Variants in MBD5 observed in about 807,000 individuals in gnomAD.
MBD5 encodes the protein methyl-CpG binding domain protein 5.
MBD5 carries 13 observed loss-of-function variants against 117.3 expected under a neutral mutation model. The observed-to-expected ratio is 0.11, with a 90% confidence interval of 0.07 to 0.18. The LOEUF (loss-of-function observed/expected upper bound fraction) is 0.18, where lower values mean the gene tolerates loss of function less well. Ranked by LOEUF, MBD5 falls within the 10% of genes least tolerant of loss-of-function variation. The pLI, the probability that MBD5 is intolerant of heterozygous loss-of-function variation, is 1.00. For synonymous variants in MBD5, 727 were observed against 766.4 expected, an observed-to-expected ratio of 0.95 and a Z score of 0.85; for missense variants, 1,879 against 2,093.8, an observed-to-expected ratio of 0.90 and a Z score of 2.00.
At chr2:148,123,700 T>C (rs1696822107) in intron 1 of MBD5, among the ~76,000 whole-genome samples, 1 of 152,202 alleles carries the variant, frequency 6.6e-6, no homozygotes, top group African/African-American at 2.4e-5. Flanking sequence ...AGATTCTGAA[T>C]AGTTATGAGT....
chr2:148,119,530 T>C (rs1032546751), intron 1 of MBD5, among the ~76,000 whole-genome samples: 52 of 152,308 alleles, frequency 3.4e-4, no homozygotes, highest in African/African-American at 1.1e-3. Flanking sequence ...TATTATTTTT[T>C]TCTTCTTTTA....
intron 1 of MBD5, among the ~76,000 whole-genome samples, chr2:148,090,906 GAT>G: frequency 6.6e-6 from 1 of 152,140 alleles, no homozygotes; most frequent in Non-Finnish European, 1.5e-5. Context: ...GTTTGCTGAT[GAT>G]ATGATTATAT....
rs574184954 is a variant in MBD5, at chr2:148,144,014, T to G, written c.-924-34686T>G. Among the ~76,000 whole-genome samples the G allele has an allele frequency of 2.6e-5, 4 of 152,338 alleles. No homozygotes were observed. In the East Asian group the frequency reaches 7.7e-4, roughly 29 times the overall value. ...AATGGTATTTCTAGTTCTAGATCCT[T>G]GAGGAATCGCTACACTGTCTTCCAC... On this transcript the variant is annotated intron_variant, in intron 1 of 13. Transcript: ENST00000642680.
intron 4 of MBD5, among the ~76,000 whole-genome samples, chr2:148,452,930 T>C (rs538849950): frequency 1.6e-4 from 25 of 152,202 alleles, no homozygotes; most frequent in Non-Finnish European, 3.1e-4. Context: ...ATTTTAGACA[T>C]GTGTTGCTAA....
chr2:148,098,661 C>T (rs1263185819), intron 1 of MBD5, among the ~76,000 whole-genome samples: 1 of 152,124 alleles, frequency 6.6e-6, no homozygotes, highest in Non-Finnish European at 1.5e-5. Flanking sequence ...ATCAGTTGGT[C>T]TCAGGTGTGT....
chr2:148,298,526 A>G (rs950853570), intron 3 of MBD5, among the ~76,000 whole-genome samples: 22 of 152,136 alleles, frequency 1.4e-4, no homozygotes, highest in African/African-American at 5.1e-4. Context: ...ATTTTCAGAG[A>G]TTTTAAATGA....
In MBD5 at chr2:148,364,312, C is replaced by T. The variant is rs1430439709; in HGVS notation, c.-557+21976C>T. On this transcript the variant is annotated intron_variant, in intron 4 of 13. Transcript: ENST00000642680. ...CAAATGCTGAGAGATTTTGTCACCA[C>T]CAGGCCTACCTTACAAGAGCTCCTG... 1.3e-5 allele frequency among the ~76,000 whole-genome samples: 2 copies of T among 152,160 alleles called. 1 individual carries two copies. Among genetic ancestry groups the T allele is most frequent in the Middle Eastern group, 6.3e-3 (2 of 316 alleles).
At chr2:148,066,652 T>C (rs1417812143) in intron 1 of MBD5, among the ~76,000 whole-genome samples, 2 of 152,034 alleles carry the variant, frequency 1.3e-5, no homozygotes, top group Admixed American at 6.6e-5. Context: ...TAATTTTTTG[T>C]ATTTTAACAG....
chr2:148,473,218 T>C (rs1680851912), intron 8 of MBD5, among the ~76,000 whole-genome samples: 1 of 152,176 alleles, frequency 6.6e-6, no homozygotes, highest in Non-Finnish European at 1.5e-5. Flanking sequence ...TTTACGTCAG[T>C]GCAGAAGAAG....
In MBD5 at chr2:148,125,783, A is replaced by G. The variant is rs139261982; in HGVS notation, c.-924-52917A>G. Among the ~76,000 whole-genome samples the G allele has an allele frequency of 2.0e-5, 3 of 152,340 alleles. No individual in the cohort carries two copies. The East Asian group carries it at 5.8e-4, about 29-fold the overall frequency. ...CCTTGATGTCTGGGACTGTGTAGCT[A>G]ACACAAGGGCTATGGCTGCCACTTA... is the stretch of plus-strand genomic sequence containing the variant. On this transcript the variant is annotated intron_variant, in intron 1 of 13. Coordinates refer to ENST00000642680, the MANE Select transcript of MBD5 (RefSeq NM_001378120.1).
chr2:148,492,675 A>G (rs1681566311), intron 11 of MBD5, among the ~76,000 whole-genome samples: 1 of 152,036 alleles, frequency 6.6e-6, no homozygotes, highest in Non-Finnish European at 1.5e-5. Flanking sequence ...CCTCTATACA[A>G]CACAAAACAA....
chr2:148,366,549 A>G (rs1005369089), intron 4 of MBD5, among the ~76,000 whole-genome samples: 2 of 152,210 alleles, frequency 1.3e-5, no homozygotes, highest in Non-Finnish European at 1.5e-5. Context: ...CCCTGTTTGC[A>G]GATGCCATGA....
In MBD5 at chr2:148,469,553, G is replaced by A. The variant is rs1484798550; in HGVS notation, c.1610G>A (p.Ser537Asn). The A allele has an allele frequency of 3.1e-6, 5 of 1,613,708 alleles. No homozygotes were observed. Among genetic ancestry groups the A allele is most frequent in the Non-Finnish European group, 8.5e-7 (1 of 1,179,926 alleles). ...AGISNVLNTPSSAAFPTASAG... is the reference protein window; with the variant it reads ...AGISNVLNTPNSAAFPTASAG... ...ATAAGTAATGTACTAAATACCCCAAGCAGTGCAGCTTTTCCTACTGCATCT... is the reference window on the plus strand; with the variant it reads ...ATAAGTAATGTACTAAATACCCCAAACAGTGCAGCTTTTCCTACTGCATCT... Residue 537 changes from serine (S) to asparagine (N), a missense_variant, in exon 8 of 14, where the codon AGC becomes AAC. This residue lies in a region of MBD5 where 1,666 missense variants were observed against 1,792.2 expected (regional missense o/e 0.93). Transcript: ENST00000642680.
At chr2:148,362,032 C>T (rs1703552836) in intron 4 of MBD5, among the ~76,000 whole-genome samples, 1 of 152,162 alleles carries the variant, frequency 6.6e-6, no homozygotes, top group Non-Finnish European at 1.5e-5. Flanking sequence ...CCACCAGGGC[C>T]CTGGGTTTCA....
intron 3 of MBD5, among the ~76,000 whole-genome samples, chr2:148,263,115 T>A (rs1205652321): frequency 1.3e-5 from 2 of 152,304 alleles, no homozygotes; most frequent in Middle Eastern, 3.4e-3. Context: ...GAAAAGATGA[T>A]GAGTTTTTTA....
intron 4 of MBD5, among the ~76,000 whole-genome samples, chr2:148,430,502 A>G (rs1203335815): frequency 6.6e-6 from 1 of 152,084 alleles, no homozygotes; most frequent in Non-Finnish European, 1.5e-5. Flanking sequence ...ACACTGGTTT[A>G]TTATAGTTTA....
At position 148,470,217 on chromosome 2, in the gene MBD5, C is replaced by T. The variant is rs374820728; in HGVS notation, c.2274C>T (p.Ala758=). 37 of 1,613,802 alleles carry T rather than the reference C, an allele frequency of 2.3e-5. No homozygotes were observed. Among genetic ancestry groups the T allele is most frequent in the Non-Finnish European group, 2.8e-5 (33 of 1,179,900 alleles). Residue 758 remains alanine, a synonymous_variant, in exon 8 of 14, where the codon GCC becomes GCT. Transcript: ENST00000642680. ...AGAACATACCTTTAAGAGGGGAAGC[C>T]GTGCACTGCCACAATGCAAACACTA... ...VLQNIPLRGE[A]VHCHNANTNF... is the part of the protein sequence containing the mutation.
chr2:148,412,274 G>T (rs879703070), intron 4 of MBD5, among the ~76,000 whole-genome samples: 354 of 62,470 alleles, frequency 5.7e-3, no homozygotes, highest in African/African-American at 0.016. Context: ...TATACTTTTT[G>T]TGTGTGTGTG....
intron 1 of MBD5, among the ~76,000 whole-genome samples, chr2:148,051,270 G>C (rs1215119128): frequency 6.6e-6 from 1 of 151,818 alleles, no homozygotes; most frequent in Non-Finnish European, 1.5e-5. Flanking sequence ...TATTAATTTT[G>C]TATTCTGCAT....
Sources: gnomAD v4.1 joint callset for allele counts (sites outside exome capture counted in the v4.1 genomes callset) on GRCh38, gnomAD v4.1.1 for gene constraint, gnomAD v4.1.1 regional missense constraint, MANE v1.5 for transcripts, NCBI Gene and HGNC (gene_info 2026-07-23, HGNC 2026-07-21) for gene names.